RBFOX1: variants seen among roughly 807,000 people sequenced by gnomAD.
RBFOX1 encodes RNA binding protein fox-1 homolog 1.
A neutral mutation model predicts 57.7 loss-of-function variants in RBFOX1; 8 were observed. The ratio of observed to expected loss-of-function variants is 0.14; its 90% CI spans 0.08 to 0.25. The LOEUF is 0.25. Ranked by LOEUF, RBFOX1 falls within the 10% of genes least tolerant of loss-of-function variation. The pLI is 1.00. For missense variants in RBFOX1, 611 were observed against 548.5 expected (o/e 1.11, Z -1.14); for synonymous variants, 326 against 222.4 (o/e 1.47, Z -4.15).
chr16:6,868,779 T>C (rs1442439297), intron 3 of RBFOX1, among the ~76,000 whole-genome samples: 1 of 152,206 alleles, frequency 6.6e-6, no homozygotes. Flanking sequence ...CCAGTATTTC[T>C]TAAAGATAGG....
intron 1 of RBFOX1, among the ~76,000 whole-genome samples, chr16:5,433,363 G>T (rs758712552): frequency 1.3e-5 from 2 of 152,162 alleles, no homozygotes; most frequent in Non-Finnish European, 2.9e-5. Context: ...TTCGCTCCTG[G>T]CTGGGGGTGA....
chr16:6,405,290 A>G (rs1383623360), intron 2 of RBFOX1, among the ~76,000 whole-genome samples: 1 of 152,170 alleles, frequency 6.6e-6, no homozygotes, highest in Non-Finnish European at 1.5e-5. Flanking sequence ...TTTGATTTGG[A>G]GACTCAATTA....
intron 10 of RBFOX1, among the ~76,000 whole-genome samples, chr16:7,616,758 C>T (rs552363953): frequency 5.3e-5 from 8 of 152,184 alleles, no homozygotes; most frequent in African/African-American, 1.9e-4. Context: ...TCTTGAACTC[C>T]TGACCTCAAG....
At chr16:6,130,226 C>G (rs887054678) in intron 1 of RBFOX1, among the ~76,000 whole-genome samples, 7 of 151,972 alleles carry the variant, frequency 4.6e-5, no homozygotes, top group South Asian at 4.1e-4. Context: ...GTTAAGTATA[C>G]ACATGTAAGA....
chr16:6,945,797 G>T (rs1038625404), intron 3 of RBFOX1, among the ~76,000 whole-genome samples: 1 of 152,088 alleles, frequency 6.6e-6, no homozygotes, highest in African/African-American at 2.4e-5. Context: ...AGGCCGAGAC[G>T]GGAGAATCGC....
intron 3 of RBFOX1, among the ~76,000 whole-genome samples, chr16:5,760,027 G>T (rs1019864413): frequency 1.2e-4 from 18 of 149,922 alleles, no homozygotes; most frequent in African/African-American, 4.9e-5. Context: ...AAAAAACCTT[G>T]TATTTGAGCC....
chr16:6,683,861 T>G (rs1306066248), intron 3 of RBFOX1, among the ~76,000 whole-genome samples: 2 of 152,164 alleles, frequency 1.3e-5, no homozygotes, highest in East Asian at 1.9e-4. Context: ...CTCAGCAAAG[T>G]GGAAATAACA....
At chr16:5,413,445 T>A (rs1251313379) in intron 1 of RBFOX1, among the ~76,000 whole-genome samples, 3 of 152,184 alleles carry the variant, frequency 2.0e-5, no homozygotes, top group Non-Finnish European at 4.4e-5. Flanking sequence ...TAAATTCAAA[T>A]AATTAAAATA....
At chr16:6,472,540 T>G (rs2095200668) in intron 2 of RBFOX1, among the ~76,000 whole-genome samples, 1 of 152,170 alleles carries the variant, frequency 6.6e-6, no homozygotes. Flanking sequence ...GTGAAGGGAT[T>G]TGGGGAAAGT....
chr16:5,887,373 T>C lies in RBFOX1; in HGVS notation c.351+20038T>C, dbSNP rs1008474965. Among the ~76,000 whole-genome samples, 5 of 152,162 alleles carry C rather than the reference T, an allele frequency of 3.3e-5. No homozygotes were observed. The East Asian group carries it at 9.6e-4, about 29-fold the overall frequency. On this transcript the variant is annotated intron_variant, in intron 4 of 19. Transcript: ENST00000641259. ...TAGTACTGCCTTCAATGGATTTCCTTCTACCTTGTATTTCTCTCTCCTGTG... is the reference window on the plus strand; with the variant it reads ...TAGTACTGCCTTCAATGGATTTCCTCCTACCTTGTATTTCTCTCTCCTGTG...
Position 5,755,855 on chromosome 16 carries a change from C to T in RBFOX1, c.319-111448C>T, listed in dbSNP as rs367806299. 1.7e-3 allele frequency among the ~76,000 whole-genome samples: 265 copies of T among 152,280 alleles called. 1 individual carries two copies. The highest frequency in any genetic ancestry group is 6.2e-3 in the African/African-American group (259 of 41,556). On this transcript the variant is annotated intron_variant, in intron 3 of 19. Transcript: ENST00000641259. The stretch of plus-strand genomic sequence containing the variant: ...TCAGGTGATCCGCCTGCCTCGGCCT[C>T]CCAAAGTGCTGGAATTACAGGCGTG...
At chr16:6,576,744 G>A (rs764756680) in intron 2 of RBFOX1, among the ~76,000 whole-genome samples, 3 of 152,152 alleles carry the variant, frequency 2.0e-5, no homozygotes, top group Admixed American at 2.0e-4. Flanking sequence ...TTACTGCAAC[G>A]TTAGGGATTT....
At position 7,657,314 on chromosome 16, in the gene RBFOX1, AT is replaced by A. The variant is rs887234260; in HGVS notation, c.890+3375del. 1.4e-4 allele frequency among the ~76,000 whole-genome samples: 22 copies of A among 152,234 alleles called. No individual in the cohort carries two copies. The East Asian group carries it at 2.9e-3, about 20-fold the overall frequency. On this transcript the variant is annotated intron_variant, in intron 12 of 15. Coordinates refer to ENST00000550418, the MANE Select transcript of RBFOX1 (RefSeq NM_018723.4). ...ATTCATCCATTTCCTTTTAAAAAAA[AT>A]TTTTTTTGAGACGGAGTCTTACTCT...
intron 4 of RBFOX1, among the ~76,000 whole-genome samples, chr16:7,155,040 G>C (rs1008899066): frequency 6.6e-6 from 1 of 152,038 alleles, no homozygotes; most frequent in Non-Finnish European, 1.5e-5. Flanking sequence ...GGAATATTTT[G>C]TGTGGCGGAG....
At chr16:7,160,829 CTCCTCCT>C (rs1291162544) in intron 4 of RBFOX1, among the ~76,000 whole-genome samples, 3 of 138,430 alleles carry the variant, frequency 2.2e-5, no homozygotes, top group African/African-American at 6.1e-5. Flanking sequence ...TCCCTCCTCC[CTCCTCCT>C]TCCTCCTCCT....
chr16:6,068,150 G>A (rs949769177), intron 1 of RBFOX1, among the ~76,000 whole-genome samples: 1 of 152,106 alleles, frequency 6.6e-6, no homozygotes, highest in African/African-American at 2.4e-5. Context: ...GTAGGGATGC[G>A]AGGCTGTGTT....
chr16:6,610,191 T>G (rs1050506423), intron 2 of RBFOX1, among the ~76,000 whole-genome samples: 4 of 152,170 alleles, frequency 2.6e-5, no homozygotes, highest in Admixed American at 2.0e-4. Flanking sequence ...GACTAAATTA[T>G]CATTCTGCTG....
At chr16:7,610,118 CTTTTT>C (rs34468596) in intron 10 of RBFOX1, among the ~76,000 whole-genome samples, 3 of 65,616 alleles carry the variant, frequency 4.6e-5, no homozygotes, top group East Asian at 3.4e-4. Context: ...GCCCGGCCCC[CTTTTT>C]TTTTTTTTTT....
intron 4 of RBFOX1, among the ~76,000 whole-genome samples, chr16:7,325,742 C>T (rs1005661152): frequency 2.6e-5 from 4 of 152,136 alleles, no homozygotes; most frequent in South Asian, 2.1e-4. Flanking sequence ...TAATTTGATG[C>T]GGTTGTGACT....
Sources: gnomAD v4.1 joint callset for allele counts (sites outside exome capture counted in the v4.1 genomes callset) on GRCh38, gnomAD v4.1.1 for gene constraint, MANE v1.5 for transcripts, NCBI Gene and HGNC (gene_info 2026-07-23, HGNC 2026-07-21) for gene names.